The following RPS6KC1 variants were observed in gnomAD, a reference collection of about 807,000 sequenced individuals.
RPS6KC1 encodes inactive ribosomal protein S6 kinase delta-1.
A neutral mutation model predicts 103.8 loss-of-function variants in RPS6KC1; 54 were observed. The observed-to-expected ratio is 0.52, with a 90% CI of 0.42 to 0.65. The LOEUF is 0.65. Among genes scored for constraint, RPS6KC1 ranks in the 30% least tolerant of loss-of-function variants. RPS6KC1 has a pLI of 0.00. For synonymous variants in RPS6KC1, 439 were observed against 438.7 expected (o/e 1.00, Z -0.01); for missense variants, 1,151 against 1,253.8 (o/e 0.92, Z 1.24).
At chr1:213,581,033 T>G in the RPS6KC1 span, among the ~76,000 whole-genome samples, 1 of 152,060 alleles carries the variant, frequency 6.6e-6, no homozygotes, top group Non-Finnish European at 1.5e-5. Context: ...CCTGAGCGTA[T>G]TTTGTAAATG....
At chr1:213,632,942 G>T in the RPS6KC1 span, among the ~76,000 whole-genome samples, 1 of 152,130 alleles carries the variant, frequency 6.6e-6, no homozygotes, top group African/African-American at 2.4e-5. Context: ...GGAAGAAAGG[G>T]TATCAGTGAT....
chr1:213,142,941 G>A (rs1242704262), intron 6 of RPS6KC1, among the ~76,000 whole-genome samples: 2 of 151,854 alleles, frequency 1.3e-5, no homozygotes, highest in Non-Finnish European at 2.9e-5. Flanking sequence ...GCAGTGGTCT[G>A]GATCAGAACC....
the RPS6KC1 span, among the ~76,000 whole-genome samples, chr1:213,576,474 G>A: frequency 0.018 from 2,651 of 149,996 alleles, 216 homozygotes; most frequent in East Asian, 0.26. Context: ...TCCTGTCTCT[G>A]TCACATTTTG....
the RPS6KC1 span, among the ~76,000 whole-genome samples, chr1:213,609,289 A>T: frequency 6.6e-6 from 1 of 152,054 alleles, no homozygotes. Flanking sequence ...AAGCACTCAG[A>T]CTCCTTGTAG....
chr1:213,152,271 GCGGGGGGC>G (rs1318756589), intron 6 of RPS6KC1, among the ~76,000 whole-genome samples: 6 of 146,634 alleles, frequency 4.1e-5, no homozygotes, highest in African/African-American at 1.3e-4. Context: ...GGCTGGCCTG[GCGGGGGGC>G]TGATCCCCCT....
At chr1:213,783,265 T>C in the RPS6KC1 span, among the ~76,000 whole-genome samples, 1 of 152,182 alleles carries the variant, frequency 6.6e-6, no homozygotes, top group Non-Finnish European at 1.5e-5. Context: ...TCTTTGTATA[T>C]TGAGGGAGCT....
chr1:213,723,679 A>G, the RPS6KC1 span, among the ~76,000 whole-genome samples: 1 of 152,170 alleles, frequency 6.6e-6, no homozygotes, highest in African/African-American at 2.4e-5. Context: ...CATAAAAGTG[A>G]CTTTGGGCAA....
chr1:213,405,157 G>A, the RPS6KC1 span, among the ~76,000 whole-genome samples: 1 of 152,244 alleles, frequency 6.6e-6, no homozygotes, highest in Admixed American at 6.5e-5. Flanking sequence ...CACTTTTGAT[G>A]CAATCCATGT....
At chr1:213,638,450 ATT>A in the RPS6KC1 span, among the ~76,000 whole-genome samples, 2 of 151,882 alleles carry the variant, frequency 1.3e-5, no homozygotes, top group Non-Finnish European at 2.9e-5. Context: ...GGTCGTGAAG[ATT>A]TTCTCCTATG....
chr1:213,693,611 G>A, the RPS6KC1 span, among the ~76,000 whole-genome samples: 1 of 152,176 alleles, frequency 6.6e-6, no homozygotes, highest in African/African-American at 2.4e-5. Flanking sequence ...AGACCACCCT[G>A]CCTGCCTGAG....
chr1:213,620,189 C>A, the RPS6KC1 span, among the ~76,000 whole-genome samples: 16 of 152,204 alleles, frequency 1.1e-4, no homozygotes, highest in Non-Finnish European at 2.1e-4. Context: ...ATTAAAACAA[C>A]CACCACTTTA....
the RPS6KC1 span, among the ~76,000 whole-genome samples, chr1:213,552,551 C>T: frequency 6.6e-6 from 1 of 152,098 alleles, no homozygotes; most frequent in African/African-American, 2.4e-5. Context: ...CAGTTATTTT[C>T]TTAATATTGA....
At chr1:213,093,105 CTT>C (rs1299556469) in intron 3 of RPS6KC1, among the ~76,000 whole-genome samples, 2 of 151,778 alleles carry the variant, frequency 1.3e-5, no homozygotes, top group East Asian at 3.9e-4. Context: ...CAATTTATCT[CTT>C]TTAATAAATG....
intron 6 of RPS6KC1, among the ~76,000 whole-genome samples, chr1:213,151,069 C>T (rs1371947842): frequency 2.9e-4 from 39 of 133,106 alleles, no homozygotes; most frequent in African/African-American, 9.6e-4. Context: ...TAGGGGCGGC[C>T]GGGCAGAGGC....
the RPS6KC1 span, among the ~76,000 whole-genome samples, chr1:213,530,204 C>G: frequency 6.6e-6 from 1 of 152,170 alleles, no homozygotes; most frequent in Non-Finnish European, 1.5e-5. Context: ...ATTTTCATCC[C>G]TTGGCCCATC....
the RPS6KC1 span, among the ~76,000 whole-genome samples, chr1:213,640,988 T>C: frequency 6.6e-6 from 1 of 152,192 alleles, no homozygotes; most frequent in South Asian, 2.1e-4. Context: ...TGTCTGTTTT[T>C]GCTTCATTAT....
the RPS6KC1 span, among the ~76,000 whole-genome samples, chr1:213,745,873 C>T: frequency 6.4e-4 from 98 of 152,246 alleles, 1 homozygote; most frequent in Admixed American, 2.0e-3. Flanking sequence ...GAGGGGTATG[C>T]GGATAAATGA....
Position 213,240,794 on chromosome 1 carries a change from A to G in RPS6KC1, c.1318A>G (p.Lys440Glu). ...GGAAGTGAAAAAACCTACACTTGCAAAAGTTCACCTGCAGCAGCCAACTTC... is the reference window on the plus strand; with the variant it reads ...GGAAGTGAAAAAACCTACACTTGCAGAAGTTCACCTGCAGCAGCCAACTTC... ...IKEVKKPTLA[K>E]VHLQQPTSSP... The change falls in exon 11 of 15, where the codon AAA becomes GAA. Residue 440 changes from lysine (K) to glutamate (E), a missense_variant. Coordinates refer to ENST00000366960, the MANE Select transcript of RPS6KC1 (RefSeq NM_012424.6). The G allele has an allele frequency of 6.2e-7, 1 of 1,613,966 alleles. No individual in the cohort carries two copies. Among genetic ancestry groups the G allele is most frequent in the Non-Finnish European group, 8.5e-7 (1 of 1,179,882 alleles).
chr1:213,121,810 ATAAT>A (rs930790218), intron 5 of RPS6KC1, among the ~76,000 whole-genome samples: 3 of 152,184 alleles, frequency 2.0e-5, no homozygotes, highest in African/African-American at 7.2e-5. Flanking sequence ...ATGAGAGAAA[ATAAT>A]TAGGTAATTG....
Sources: allele counts gnomAD v4.1 joint callset (sites outside exome capture counted in the v4.1 genomes callset), GRCh38; gene constraint gnomAD v4.1.1; transcripts MANE v1.5; gene names NCBI Gene and HGNC (gene_info 2026-07-23, HGNC 2026-07-21).